The following FZR1 variants were observed in gnomAD, a reference collection of about 807,000 sequenced individuals.
The protein encoded by FZR1 is fizzy and cell division cycle 20 related 1.
A neutral mutation model predicts 63.6 loss-of-function variants in FZR1; 11 were observed. The ratio of observed to expected loss-of-function variants is 0.17; its 90% CI spans 0.11 to 0.29. The LOEUF (loss-of-function observed/expected upper bound fraction) is 0.29, where lower values mean the gene tolerates loss of function less well. Ranked by LOEUF, FZR1 falls within the 10% of genes least tolerant of loss-of-function variation. The pLI, the probability that FZR1 is intolerant of heterozygous loss-of-function variation, is 1.00. For missense variants in FZR1, 440 were observed against 687.5 expected (o/e 0.64, Z 4.03); for synonymous variants, 328 against 297.9 (o/e 1.10, Z -1.04).
At chr19:3,530,369 AGAGCGGATGGGT>A (rs1377002292) in intron 7 of FZR1, among the ~76,000 whole-genome samples, 4 of 121,444 alleles carry the variant, frequency 3.3e-5, no homozygotes, top group Admixed American at 7.9e-5. Context: ...AGCGGATGGG[AGAGCGGATGGGT>A]GAGCAGATGG....
chr19:3,517,901 C>T (rs1016302544), intron 1 of FZR1, among the ~76,000 whole-genome samples: 9 of 148,980 alleles, frequency 6.0e-5, no homozygotes, highest in African/African-American at 2.2e-4. Flanking sequence ...TGCACTGTTG[C>T]CCAGGCTGGA....
rs1270392331 is a variant in FZR1 at position 3,516,042 on chromosome 19, T to C, written c.-34-6914T>C. Among the ~76,000 whole-genome samples, 1 of 152,238 alleles carries C rather than the reference T, an allele frequency of 6.6e-6. No homozygotes were observed. The highest frequency in any genetic ancestry group is 1.5e-5 in the Non-Finnish European group (1 of 68,038). On this transcript the variant is annotated intron_variant, in intron 1 of 13. Coordinates refer to ENST00000441788, the MANE Select transcript of FZR1 (RefSeq NM_016263.4). This position sits in a 1 kb window ranked among gnomAD's most constrained non-coding sequence, Gnocchi z 6.0. ...ATCTCTGCACACATGCATGCTGAGTTTCTAAGGATAAATTCTTAGAAGTAG... is the reference window on the plus strand; with the variant it reads ...ATCTCTGCACACATGCATGCTGAGTCTCTAAGGATAAATTCTTAGAAGTAG...
At chr19:3,513,076 G>C (rs1450727509) in intron 1 of FZR1, among the ~76,000 whole-genome samples, 2 of 152,116 alleles carry the variant, frequency 1.3e-5, no homozygotes, top group Non-Finnish European at 2.9e-5. Context: ...CTCTGGGAGG[G>C]CACCTGGGCC....
chr19:3,528,440 T>A (rs2083184822), intron 7 of FZR1, among the ~76,000 whole-genome samples: 2 of 152,234 alleles, frequency 1.3e-5, no homozygotes, highest in Admixed American at 1.3e-4. Flanking sequence ...CATTTGAGCG[T>A]CCTCTCCCGG....
chr19:3,524,239 G>A (rs190787205), intron 2 of FZR1, among the ~76,000 whole-genome samples: 51 of 152,294 alleles, frequency 3.3e-4, no homozygotes, highest in Admixed American at 1.6e-3. Flanking sequence ...GAGCCTGCAG[G>A]CCCAGCAGTG....
intron 7 of FZR1, among the ~76,000 whole-genome samples, chr19:3,529,797 T>C (rs35533508): frequency 0.51 from 41,610 of 81,772 alleles, 11,174 homozygotes; most frequent in East Asian, 0.82. Context: ...TGAGAGTGGT[T>C]GAGGGAGTGG....
At chr19:3,509,502 C>T (rs1464971994) in intron 1 of FZR1, among the ~76,000 whole-genome samples, 4 of 152,212 alleles carry the variant, frequency 2.6e-5, no homozygotes, top group African/African-American at 9.7e-5. Context: ...TCCTGCCGCA[C>T]GATTCACTGC....
chr19:3,531,858 C>T, intron 9 of FZR1, 42 bp downstream of exon 9: 1 of 1,552,490 alleles, frequency 6.4e-7, no homozygotes, highest in African/African-American at 1.4e-5. Flanking sequence ...TCCCTGAGGC[C>T]CCAGCTCCGC....
chr19:3,531,387 C>T (rs186138641), intron 8 of FZR1, among the ~76,000 whole-genome samples: 1 of 152,344 alleles, frequency 6.6e-6, no homozygotes, highest in East Asian at 1.9e-4. Context: ...GCATGTTGCC[C>T]AGCTCCTGGG....
intron 7 of FZR1, among the ~76,000 whole-genome samples, chr19:3,529,655 C>G (rs939519576): frequency 2.7e-5 from 3 of 112,324 alleles, no homozygotes; most frequent in East Asian, 5.2e-4. Flanking sequence ...GATGGGAGAG[C>G]GGATGGGTGA....
intron 2 of FZR1, among the ~76,000 whole-genome samples, chr19:3,524,340 C>T (rs987721059): frequency 2.0e-5 from 3 of 152,196 alleles, no homozygotes; most frequent in Non-Finnish European, 2.9e-5. Context: ...GGGGTGTGAA[C>T]GGGAGATGGG....
At position 3,514,750 on chromosome 19, in the gene FZR1, G is replaced by A. The variant is rs1342505724; in HGVS notation, c.-34-8206G>A. 2.6e-5 allele frequency among the ~76,000 whole-genome samples: 4 copies of A among 152,218 alleles called. No individual in the cohort carries two copies. Among genetic ancestry groups the A allele is most frequent in the Non-Finnish European group, 5.9e-5 (4 of 68,024 alleles). On this transcript the variant is annotated intron_variant, in intron 1 of 13. Coordinates refer to ENST00000441788, the MANE Select transcript of FZR1 (RefSeq NM_016263.4). This position sits in a 1 kb window ranked among gnomAD's most constrained non-coding sequence, Gnocchi z 4.2. ...AGGCTTATTCTGGTGTCTGGTGTGA[G>A]CAGGGGCCGACTCCATTTTTTTCCA...
At position 3,523,048 on chromosome 19, in the gene FZR1, C is replaced by T. The variant is rs1400087632; in HGVS notation, c.59C>T (p.Thr20Met). 13 of 1,601,706 alleles carry T rather than the reference C, an allele frequency of 8.1e-6. No homozygotes were observed. Among genetic ancestry groups the T allele is most frequent in the South Asian group, 4.4e-5 (4 of 90,872 alleles). The change falls in exon 2 of 14, where the codon ACG (threonine) becomes ATG (methionine). Residue 20 changes from threonine to methionine, a missense_variant. Transcript: ENST00000441788. ...LRQIVIQNEN[T>M]MPRVTEMRRT... ...CAGATCGTCATCCAGAATGAGAACA[C>T]GATGCCACGCGTGAGTGCCCCCGCC...
Position 3,531,819 on chromosome 19 carries a change from G to A in FZR1, c.823+3G>A. ...GGAGGGCCACACGGCACGCGTCGGTGAGGAGCCCGGGTCCCATGGCTGGTG... is the reference window on the plus strand; with the variant it reads ...GGAGGGCCACACGGCACGCGTCGGTAAGGAGCCCGGGTCCCATGGCTGGTG... On this transcript the variant is annotated splice_donor_region_variant and intron_variant, in intron 9 of 13. Coordinates refer to ENST00000441788, the MANE Select transcript of FZR1 (RefSeq NM_016263.4). 6.5e-7 allele frequency: 1 copy of A among 1,550,182 alleles called. No homozygotes were observed. The highest frequency in any genetic ancestry group is 8.7e-7 in the Non-Finnish European group (1 of 1,146,714).
chr19:3,530,728 G>A (rs770841042), intron 7 of FZR1, 64 bp from the exon 8 acceptor site: 8 of 1,206,500 alleles, frequency 6.6e-6, no homozygotes, highest in Non-Finnish European at 7.3e-6. Context: ...AGGGATGAAT[G>A]TACCCATGGA....
chr19:3,531,239 G>A (rs1406746907), intron 8 of FZR1, among the ~76,000 whole-genome samples: 2 of 152,170 alleles, frequency 1.3e-5, no homozygotes, highest in African/African-American at 2.4e-5. Flanking sequence ...CATGGGGAGG[G>A]TCTGTGCCCC....
chr19:3,530,293 CAGGGGAGAGCGG>C (rs1193586756), intron 7 of FZR1, among the ~76,000 whole-genome samples: 1 of 75,178 alleles, frequency 1.3e-5, no homozygotes, highest in Admixed American at 1.3e-4. Flanking sequence ...TGGGAGAGCG[CAGGGGAGAGCGG>C]AGGAGAGAGC....
In FZR1 at chr19:3,526,453, C is replaced by T. The variant is rs1347816807; in HGVS notation, c.387+67C>T. 3.0e-5 allele frequency: 40 copies of T among 1,354,276 alleles called. No homozygotes were observed. The highest frequency in any genetic ancestry group is 3.9e-5 in the South Asian group (3 of 77,402). The allele number at this position is 1,354,276 out of a possible 1,614,324, so 83.9% of individuals were successfully genotyped here. On this transcript the variant is annotated intron_variant, in intron 5 of 13. Transcript: ENST00000441788. This position sits in a 1 kb window ranked among gnomAD's most constrained non-coding sequence, Gnocchi z 5.4. ...GCAGCCTCCCCGGCCCCCCACCTCCCAGGCACCAGCTCTGCCTCCCCGAGC... is the reference window on the plus strand; with the variant it reads ...GCAGCCTCCCCGGCCCCCCACCTCCTAGGCACCAGCTCTGCCTCCCCGAGC...
chr19:3,520,606 C>G (rs2083092994), intron 1 of FZR1, among the ~76,000 whole-genome samples: 1 of 152,250 alleles, frequency 6.6e-6, no homozygotes, highest in African/African-American at 2.4e-5. Context: ...CCCTCAGAGC[C>G]TGACTGGCCC....
Sources: allele counts gnomAD v4.1 joint callset (sites outside exome capture counted in the v4.1 genomes callset), GRCh38; gene constraint gnomAD v4.1.1; non-coding constraint Gnocchi (gnomAD v3.1); transcripts MANE v1.5; gene names NCBI Gene and HGNC (gene_info 2026-07-23, HGNC 2026-07-21).